Variants in SPRY3 observed in about 807,000 individuals in gnomAD.
The protein encoded by SPRY3 is protein sprouty homolog 3.
A neutral mutation model predicts 20.2 loss-of-function variants in SPRY3; 15 were observed. The observed-to-expected ratio is 0.74, with a 90% CI of 0.50 to 1.14. The LOEUF (loss-of-function observed/expected upper bound fraction) is 1.14. Among genes scored for constraint, SPRY3 ranks in the 50% most tolerant of loss-of-function variants. SPRY3 has a pLI of 0.00. For missense variants in SPRY3, 364 were observed against 363.9 expected, an observed-to-expected ratio of 1.00 and a Z score of 0.00; for synonymous variants, 143 against 136.5, an observed-to-expected ratio of 1.05 and a Z score of -0.33.
intron 2 of SPRY3, among the ~76,000 whole-genome samples, chrX:155,685,828 C>T (rs1358256977): frequency 1.8e-5 from 2 of 110,920 alleles, no homozygotes; most frequent in Non-Finnish European, 3.8e-5. Context: ...AGTGCAGTGG[C>T]GCGATCTCAG....
intron 2 of SPRY3, among the ~76,000 whole-genome samples, chrX:155,757,065 A>G (rs2091286236): frequency 6.6e-6 from 1 of 152,106 alleles, no homozygotes; most frequent in Non-Finnish European, 1.5e-5. Flanking sequence ...TAAAATCACA[A>G]GTCATATTCT....
At chrX:155,778,093 A>T (rs750746435), downstream of SPRY3, 1 of 167,144 alleles carries the variant, frequency 6.0e-6, no homozygotes, top group Non-Finnish European at 1.5e-5. Flanking sequence ...AGCACAGAGA[A>T]GTTAAGTGAC....
chrX:155,688,278 T>C (rs986208677), intron 2 of SPRY3, among the ~76,000 whole-genome samples: 6 of 110,933 alleles, frequency 5.4e-5, no homozygotes, highest in African/African-American at 2.0e-4. Flanking sequence ...CTTTATCCAG[T>C]CCCTCATTGA....
At chrX:155,736,925 G>T (rs893631811) in intron 2 of SPRY3, among the ~76,000 whole-genome samples, 3 of 151,754 alleles carry the variant, frequency 2.0e-5, no homozygotes, top group African/African-American at 7.3e-5. Flanking sequence ...AGCTAATATT[G>T]CCATATCTTC....
intron 2 of SPRY3, among the ~76,000 whole-genome samples, chrX:155,705,930 C>T (rs1213427633): frequency 6.6e-6 from 1 of 151,276 alleles, no homozygotes; most frequent in African/African-American, 2.4e-5. Flanking sequence ...TAGCTGAACA[C>T]TTCGACAATT....
intron 2 of SPRY3, among the ~76,000 whole-genome samples, chrX:155,757,401 C>A (rs1458224101): frequency 6.6e-6 from 1 of 152,158 alleles, no homozygotes; most frequent in Non-Finnish European, 1.5e-5. Context: ...GTGAGGGAGA[C>A]TTTCCATAAC....
At position 155,774,368 on chromosome X, in the gene SPRY3, C is replaced by T. The variant is rs1414943881; in HGVS notation, c.497C>T (p.Ser166Phe). 3.1e-6 allele frequency: 5 copies of T among 1,614,044 alleles called. No individual in the cohort carries two copies. The South Asian group carries it at 5.5e-5, about 18-fold the overall frequency. The change falls in exon 4 of 4, where the codon TCC becomes TTC. Residue 166 changes from serine to phenylalanine, a missense_variant. Physicochemically the swap from Ser to Phe is radical, Grantham distance 155. Coordinates refer to ENST00000675360, the Ensembl canonical transcript of SPRY3. ...TGCACAGCAGCTCGCCCTCTCCCCT[C>T]CTGCTGGCTGTGCAACCAGCGCTGC...
At chrX:155,615,944 TAAG>T (rs2067850006) in intron 1 of SPRY3, among the ~76,000 whole-genome samples, 1 of 110,768 alleles carries the variant, frequency 9.0e-6, no homozygotes, top group Admixed American at 9.6e-5. Context: ...GGGAAGATAA[TAAG>T]GTGTTTCACA....
chrX:155,774,641 G>A (rs746190550), exon 4 of SPRY3: 14 of 1,613,816 alleles, frequency 8.7e-6, no homozygotes, highest in Admixed American at 8.3e-5. Flanking sequence ...AGCCTCCGGC[G>A]ACCAGGCTGC....
intron 1 of SPRY3, among the ~76,000 whole-genome samples, chrX:155,648,324 T>C (rs2067964506): frequency 8.9e-6 from 1 of 112,949 alleles, no homozygotes; most frequent in Non-Finnish European, 1.9e-5. Context: ...TTTGTCAATG[T>C]TGGCTTTTGT....
intron 2 of SPRY3, chrX:155,670,030 G>A (rs1557354626): frequency 1.8e-5 from 2 of 111,512 alleles, no homozygotes; most frequent in African/African-American, 6.5e-5. Context: ...GTTAAAACAC[G>A]TGATATCGTT....
At chrX:155,646,675 C>G (rs1411855273) in intron 1 of SPRY3, among the ~76,000 whole-genome samples, 1 of 111,710 alleles carries the variant, frequency 9.0e-6, no homozygotes, top group Non-Finnish European at 1.9e-5. Flanking sequence ...TTAGTTCTAA[C>G]AGTTTTTTGT....
At chrX:155,671,121 T>C (rs1202121583) in intron 2 of SPRY3, among the ~76,000 whole-genome samples, 1 of 111,755 alleles carries the variant, frequency 8.9e-6, no homozygotes, top group Non-Finnish European at 1.9e-5. Context: ...TACTGAGGTG[T>C]GATACTTTAT....
At chrX:155,708,342 CA>C (rs1193499151) in intron 2 of SPRY3, among the ~76,000 whole-genome samples, 1 of 151,374 alleles carries the variant, frequency 6.6e-6, no homozygotes, top group Non-Finnish European at 1.5e-5. Context: ...TATATAATCC[CA>C]CTGCCTTCTG....
At chrX:155,707,666 A>T (rs149411633) in intron 2 of SPRY3, among the ~76,000 whole-genome samples, 248 of 151,310 alleles carry the variant, frequency 1.6e-3, no homozygotes, top group Admixed American at 4.8e-3. Flanking sequence ...TATGATTATG[A>T]ACTGGTCCCT....
chrX:155,721,886 T>A (rs2091061147), intron 2 of SPRY3, among the ~76,000 whole-genome samples: 1 of 152,120 alleles, frequency 6.6e-6, no homozygotes, highest in Admixed American at 6.5e-5. Context: ...TCACTAGCAG[T>A]AGTAGGTACA....
intron 2 of SPRY3, among the ~76,000 whole-genome samples, chrX:155,699,155 A>T (rs1181236875): frequency 8.9e-6 from 1 of 112,139 alleles, no homozygotes; most frequent in Non-Finnish European, 1.9e-5. Flanking sequence ...GTGTCTCTAT[A>T]GATAATCCCA....
At chrX:155,725,806 T>A in intron 2 of SPRY3, among the ~76,000 whole-genome samples, 1 of 152,044 alleles carries the variant, frequency 6.6e-6, no homozygotes, top group East Asian at 1.9e-4. Context: ...GGTTTTTTGT[T>A]TCTCTATCTC....
At chrX:155,710,674 TC>T (rs2090980281) in intron 2 of SPRY3, among the ~76,000 whole-genome samples, 1 of 151,718 alleles carries the variant, frequency 6.6e-6, no homozygotes, top group Non-Finnish European at 1.5e-5. Flanking sequence ...GTCTGATTGC[TC>T]TAGCTAGGAC....
Sources: allele counts gnomAD v4.1 joint callset (sites outside exome capture counted in the v4.1 genomes callset), GRCh38; gene constraint gnomAD v4.1.1; transcripts MANE v1.5; gene names NCBI Gene and HGNC (gene_info 2026-07-23, HGNC 2026-07-21).